The following PLBD1 variants were observed in gnomAD, a reference collection of about 807,000 sequenced individuals.
PLBD1 encodes the protein phospholipase B domain containing 1, also known as lysosomal leucine aminopeptidase.
Under a neutral mutation model 63.0 loss-of-function variants are expected in PLBD1, and 60 were observed. That is an observed-to-expected ratio of 0.95 (90% confidence interval 0.77 to 1.18). PLBD1 has a LOEUF of 1.18. PLBD1 is among the 50% of genes most tolerant of loss of function. The pLI is 0.00. For missense variants in PLBD1, 598 were observed against 677.9 expected (o/e 0.88, Z 1.31); for synonymous variants, 262 against 248.0 (o/e 1.06, Z -0.53).
chr12:14,507,250 T>G, intron 8 of PLBD1, 132 bp from the exon 9 acceptor site: 1 of 705,096 alleles, frequency 1.4e-6, no homozygotes, highest in East Asian at 2.6e-5. Context: ...TACAAAATAA[T>G]GTACAGAAAA....
chr12:14,563,320 G>A (rs1945756442), intron 1 of PLBD1, among the ~76,000 whole-genome samples: 1 of 152,050 alleles, frequency 6.6e-6, no homozygotes, highest in African/African-American at 2.4e-5. Flanking sequence ...AGGAGTTTGA[G>A]ACCAACCTGG....
At chr12:14,506,314 G>T in intron 9 of PLBD1, 46 bp from the exon 10 acceptor site, 1 of 1,365,216 alleles carries the variant, frequency 7.3e-7, no homozygotes, top group Non-Finnish European at 1.0e-6. Flanking sequence ...GCTATTTGGA[G>T]ACACACTTCT....
At chr12:14,564,553 T>C (rs1289949340) in intron 1 of PLBD1, among the ~76,000 whole-genome samples, 1 of 152,208 alleles carries the variant, frequency 6.6e-6, no homozygotes, top group Non-Finnish European at 1.5e-5. Flanking sequence ...TGTGGTTTGA[T>C]TACAGTGAGA....
intron 6 of PLBD1, 108 bp from the exon 7 acceptor site, chr12:14,511,819 G>T: frequency 9.3e-7 from 1 of 1,070,834 alleles, no homozygotes; most frequent in Non-Finnish European, 1.4e-6. Context: ...AAGTGTATCA[G>T]TTATTACTAT....
chr12:14,561,840 G>A (rs1402510562), intron 1 of PLBD1, among the ~76,000 whole-genome samples: 1 of 152,178 alleles, frequency 6.6e-6, no homozygotes, highest in African/African-American at 2.4e-5. Flanking sequence ...ACAGGCGTGA[G>A]CCACTGCACC....
chr12:14,516,408 C>T (rs1309968851), intron 6 of PLBD1, among the ~76,000 whole-genome samples: 3 of 152,110 alleles, frequency 2.0e-5, no homozygotes, highest in South Asian at 4.1e-4. Context: ...CAAGGGCTGC[C>T]ATAGTCTCAC....
chr12:14,548,179 A>T (rs1945629595), intron 2 of PLBD1, among the ~76,000 whole-genome samples: 1 of 152,032 alleles, frequency 6.6e-6, no homozygotes. Context: ...AGGGTGGGCC[A>T]GGCACGGTGG....
rs113673331 is a variant in PLBD1 at position 14,503,798 on chromosome 12, G to A, written c.1636C>T (p.Pro546Ser). 532 of 1,613,530 alleles carry A rather than the reference G, an allele frequency of 3.3e-4. 1 individual carries two copies. In the African/African-American group the frequency reaches 6.4e-3, roughly 20 times the overall value. The change falls in exon 11 of 11, where the codon CCA becomes TCA. Residue 546 changes from proline to serine, a missense_variant. Coordinates refer to ENST00000240617, the MANE Select transcript of PLBD1 (RefSeq NM_024829.6). ...CATTTTATATCAAGTTTCAAAATTG[G>A]TTTCATGGTAATAAAATCAAAGTTG... is the stretch of plus-strand genomic sequence containing the variant. The part of the protein sequence containing the change: ...VYNFDFITMK[P>S]ILKLDIK
intron 6 of PLBD1, among the ~76,000 whole-genome samples, chr12:14,527,959 A>G (rs929907143): frequency 3.9e-5 from 6 of 152,130 alleles, no homozygotes; most frequent in Admixed American, 2.0e-4. Flanking sequence ...AAGACGTTTC[A>G]TAATGATAAA....
Position 14,542,299 on chromosome 12 carries a change from G to A in PLBD1, c.336-8C>T, listed in dbSNP as rs1464258270. On this transcript the variant is annotated splice_region_variant and splice_polypyrimidine_tract_variant and intron_variant, in intron 2 of 10. Transcript: ENST00000240617. ...TAGTGGTCATTCATGTGTCTGAAAT[G>A]ATACATGAAAATTATTACATTTATA... 2 of 1,577,926 alleles carry A rather than the reference G, an allele frequency of 1.3e-6. No homozygotes were observed. Among genetic ancestry groups the A allele is most frequent in the South Asian group, 2.2e-5 (2 of 89,748 alleles).
At chr12:14,504,929 G>A (rs1945240923) in intron 10 of PLBD1, among the ~76,000 whole-genome samples, 1 of 152,286 alleles carries the variant, frequency 6.6e-6, no homozygotes, top group Non-Finnish European at 1.5e-5. Flanking sequence ...GTGAGATTTG[G>A]TAGAGGGAAG....
At chr12:14,561,792 G>A (rs1027018562) in intron 1 of PLBD1, among the ~76,000 whole-genome samples, 1 of 152,150 alleles carries the variant, frequency 6.6e-6, no homozygotes, top group African/African-American at 2.4e-5. Context: ...TCAACCTAAG[G>A]TGATCTGCCT....
chr12:14,547,584 T>C (rs1310125760), intron 2 of PLBD1, among the ~76,000 whole-genome samples: 2 of 152,208 alleles, frequency 1.3e-5, no homozygotes, highest in East Asian at 3.8e-4. Context: ...TTAGGTTTTG[T>C]TTCAGCTCCT....
chr12:14,544,632 C>A (rs2136926633), intron 2 of PLBD1, among the ~76,000 whole-genome samples: 1 of 152,036 alleles, frequency 6.6e-6, no homozygotes, highest in South Asian at 2.1e-4. Context: ...TAATTTTTAC[C>A]CCTTTATCTC....
intron 2 of PLBD1, among the ~76,000 whole-genome samples, chr12:14,547,217 T>A (rs909882539): frequency 2.7e-5 from 4 of 149,918 alleles, no homozygotes; most frequent in Non-Finnish European, 5.9e-5. Flanking sequence ...TGTGTGTGTG[T>A]GTGTGTAGAC....
intron 2 of PLBD1, among the ~76,000 whole-genome samples, chr12:14,546,645 C>A (rs1945618916): frequency 6.6e-6 from 1 of 152,124 alleles, no homozygotes; most frequent in African/African-American, 2.4e-5. Context: ...TGGGTAGAGG[C>A]CACAGATGCT....
chr12:14,534,736 G>T (rs190280433), intron 6 of PLBD1, among the ~76,000 whole-genome samples: 1 of 152,156 alleles, frequency 6.6e-6, no homozygotes, highest in Non-Finnish European at 1.5e-5. Flanking sequence ...GTAGAGACAG[G>T]GTTCACTGTG....
intron 1 of PLBD1, among the ~76,000 whole-genome samples, chr12:14,555,599 G>C (rs1295419585): frequency 1.3e-5 from 2 of 152,086 alleles, no homozygotes; most frequent in Non-Finnish European, 2.9e-5. Context: ...TCGTGACCTG[G>C]TTTCCATCTA....
At chr12:14,545,981 T>C (rs1945613374) in intron 2 of PLBD1, among the ~76,000 whole-genome samples, 1 of 152,208 alleles carries the variant, frequency 6.6e-6, no homozygotes, top group African/African-American at 2.4e-5. Context: ...GACAAGTGTG[T>C]GGGTGACAAG....
Sources: gnomAD v4.1 joint callset for allele counts (sites outside exome capture counted in the v4.1 genomes callset) on GRCh38, gnomAD v4.1.1 for gene constraint, MANE v1.5 for transcripts, NCBI Gene and HGNC (gene_info 2026-07-23, HGNC 2026-07-21) for gene names.